Variants in ANKS1B observed in about 807,000 individuals in gnomAD.
ANKS1B encodes the protein ankyrin repeat and sterile alpha motif domain-containing protein 1B.
In ANKS1B, 36 loss-of-function variants were observed where a neutral mutation model predicts 148.3. That is an observed-to-expected ratio of 0.24 (90% CI 0.19 to 0.32). ANKS1B has a LOEUF of 0.32. ANKS1B is among the 10% of genes least tolerant of loss of function. The pLI is 1.00. For synonymous variants in ANKS1B, 542 were observed against 560.8 expected (o/e 0.97, Z 0.47); for missense variants, 1,157 against 1,542.6 (o/e 0.75, Z 4.19).
chr12:99,027,122 C>T (rs1467741902), intron 17 of ANKS1B, among the ~76,000 whole-genome samples: 1 of 152,070 alleles, frequency 6.6e-6, no homozygotes, highest in Non-Finnish European at 1.5e-5. Flanking sequence ...GTTTAACTCT[C>T]CTGAGTATGA....
At chr12:99,130,068 A>G (rs1387164964) in intron 15 of ANKS1B, among the ~76,000 whole-genome samples, 1 of 152,190 alleles carries the variant, frequency 6.6e-6, no homozygotes, top group African/African-American at 2.4e-5. Context: ...AGTTATATCA[A>G]TTTTAGCAGT....
intron 9 of ANKS1B, among the ~76,000 whole-genome samples, chr12:99,511,289 C>T (rs1481375587): frequency 6.6e-6 from 1 of 151,814 alleles, no homozygotes; most frequent in Non-Finnish European, 1.5e-5. Context: ...TGAACTGCCA[C>T]ATCATGAATG....
At chr12:99,670,214 A>T (rs1056450704) in intron 8 of ANKS1B, among the ~76,000 whole-genome samples, 1 of 152,130 alleles carries the variant, frequency 6.6e-6, no homozygotes, top group Non-Finnish European at 1.5e-5. Flanking sequence ...TCCCTCAAAC[A>T]TATTAATATT....
At chr12:99,002,573 TAC>T (rs1295451590) in intron 17 of ANKS1B, among the ~76,000 whole-genome samples, 1 of 152,152 alleles carries the variant, frequency 6.6e-6, no homozygotes, top group East Asian at 1.9e-4. Context: ...GGTTTTGATT[TAC>T]AGTTTCCTGA....
At chr12:99,564,468 C>T (rs1013024027) in intron 9 of ANKS1B, among the ~76,000 whole-genome samples, 4 of 151,564 alleles carry the variant, frequency 2.6e-5, no homozygotes, top group Non-Finnish European at 5.9e-5. Flanking sequence ...AATATATGTA[C>T]ATATTTAGAG....
At chr12:99,360,590 AG>A (rs2092387141) in intron 12 of ANKS1B, among the ~76,000 whole-genome samples, 1 of 152,096 alleles carries the variant, frequency 6.6e-6, no homozygotes, top group African/African-American at 2.4e-5. Context: ...ATCCCAAGAA[AG>A]GCTTTAAGAA....
chr12:99,369,791 T>TAGATAGATAGACGGACGGAC (rs879173702), intron 12 of ANKS1B, among the ~76,000 whole-genome samples: 1 of 148,770 alleles, frequency 6.7e-6, no homozygotes, highest in Non-Finnish European at 1.5e-5. Context: ...GATAGATAGA[T>TAGATAGATAGACGGACGGAC]GGACGGACGG....
At chr12:99,847,948 CT>C (rs1233750450) in intron 1 of ANKS1B, among the ~76,000 whole-genome samples, 2 of 151,952 alleles carry the variant, frequency 1.3e-5, no homozygotes, top group African/African-American at 4.8e-5. Flanking sequence ...AAACATTAGA[CT>C]GAAATGACAA....
intron 9 of ANKS1B, among the ~76,000 whole-genome samples, chr12:99,539,317 T>C (rs2097103099): frequency 6.6e-6 from 1 of 152,288 alleles, no homozygotes; most frequent in South Asian, 2.1e-4. Flanking sequence ...TGTGCTTATA[T>C]GAAGATGTAA....
chr12:99,277,793 G>T (rs1443113336), intron 12 of ANKS1B, among the ~76,000 whole-genome samples: 5 of 152,212 alleles, frequency 3.3e-5, no homozygotes, highest in Non-Finnish European at 1.5e-5. Flanking sequence ...TCACTGTAAG[G>T]TTGAATACAC....
In ANKS1B at chr12:98,829,494, C is replaced by T. The variant is rs1465173888; in HGVS notation, c.2887-141G>A. The stretch of plus-strand genomic sequence containing the variant: ...CAGCCAAGGAATGAATGACATTCCA[C>T]CACTTTATTAATGGCATGATCTAGT... On this transcript the variant is annotated intron_variant, in intron 18 of 26. Coordinates refer to ENST00000683438, the MANE Select transcript of ANKS1B (RefSeq NM_001352186.2). The surrounding 1 kb of genome is among the most constrained non-coding windows in gnomAD (Gnocchi z 5.2). The T allele has an allele frequency of 4.1e-6, 3 of 734,122 alleles. No homozygotes were observed. The highest frequency in any genetic ancestry group is 6.7e-6 in the Non-Finnish European group (3 of 446,098). 45.5% of individuals were successfully genotyped at this position (734,122 alleles called of 1,614,324 possible). A position where few individuals can be genotyped will look rare whatever the true frequency, so the allele number is the denominator to read the frequency against.
At chr12:99,166,238 T>C (rs1448823946) in intron 14 of ANKS1B, among the ~76,000 whole-genome samples, 1 of 151,696 alleles carries the variant, frequency 6.6e-6, no homozygotes. Context: ...TCAACACTTC[T>C]ACCCAACATT....
At chr12:99,884,714 G>A (rs560555106) in intron 1 of ANKS1B, among the ~76,000 whole-genome samples, 1 of 152,194 alleles carries the variant, frequency 6.6e-6, no homozygotes, top group African/African-American at 2.4e-5. Context: ...ACAGAGAAAA[G>A]ATCAGAGGTT....
intron 1 of ANKS1B, among the ~76,000 whole-genome samples, chr12:99,944,753 T>G (rs1754750950): frequency 6.6e-6 from 1 of 152,158 alleles, no homozygotes; most frequent in Non-Finnish European, 1.5e-5. Context: ...CCTTTGAGAA[T>G]GATACCTAGA....
At chr12:99,765,461 T>G (rs114117949) in intron 8 of ANKS1B, among the ~76,000 whole-genome samples, 1,733 of 152,312 alleles carry the variant, frequency 0.011, 43 homozygotes, top group African/African-American at 0.038. Flanking sequence ...CTCCCCCACC[T>G]TGTATTTATA....
chr12:98,855,944 C>T (rs1414184868), intron 17 of ANKS1B, among the ~76,000 whole-genome samples: 3 of 152,212 alleles, frequency 2.0e-5, no homozygotes, highest in Admixed American at 2.0e-4. Context: ...GGTTGATGCG[C>T]TGTCTTTCTC....
intron 12 of ANKS1B, among the ~76,000 whole-genome samples, chr12:99,349,442 T>C (rs1433187754): frequency 1.3e-5 from 2 of 151,990 alleles, no homozygotes; most frequent in Admixed American, 6.6e-5. Flanking sequence ...AGACTCATTT[T>C]AGATCCAAAG....
chr12:99,254,130 T>C (rs369898475), intron 12 of ANKS1B, among the ~76,000 whole-genome samples: 3 of 152,300 alleles, frequency 2.0e-5, no homozygotes, highest in African/African-American at 4.8e-5. Flanking sequence ...AACAATATTA[T>C]TGGGTAAACC....
chr12:99,155,016 C>A, intron 14 of ANKS1B: 1 of 1,535,260 alleles, frequency 6.5e-7, no homozygotes, highest in Non-Finnish European at 8.7e-7. Context: ...AAAACAAATG[C>A]AGAAAATAGC....
Sources: gnomAD v4.1 joint callset for allele counts (sites outside exome capture counted in the v4.1 genomes callset) on GRCh38, gnomAD v4.1.1 for gene constraint, Gnocchi (gnomAD v3.1) non-coding constraint, MANE v1.5 for transcripts, NCBI Gene and HGNC (gene_info 2026-07-23, HGNC 2026-07-21) for gene names.